Variants in CCNB3 observed in about 807,000 individuals in gnomAD.
CCNB3 encodes the protein G2/mitotic-specific cyclin-B3.
A neutral mutation model predicts 68.0 loss-of-function variants in CCNB3; 12 were observed. The ratio of observed to expected loss-of-function variants is 0.18; its 90% confidence interval spans 0.11 to 0.29. The LOEUF is 0.29. Among genes scored for constraint, CCNB3 ranks in the 10% least tolerant of loss-of-function variants. The pLI is 1.00. For missense variants in CCNB3, 904 were observed against 993.1 expected, an observed-to-expected ratio of 0.91 and a Z score of 1.21; for synonymous variants, 354 against 388.9, an observed-to-expected ratio of 0.91 and a Z score of 1.06.
At chrX:50,313,364 A>G (rs782099267) in intron 7 of CCNB3, among the ~76,000 whole-genome samples, 48 of 111,864 alleles carry the variant, frequency 4.3e-4, no homozygotes, top group African/African-American at 1.5e-3. Flanking sequence ...AGTAAGGGAC[A>G]TCTTTGTTAT....
chrX:50,342,219 C>T lies in CCNB3; in HGVS notation c.3534C>T (p.Thr1178=). Residue 1178 remains threonine, a synonymous_variant, in exon 9 of 13, where the codon ACC becomes ACT. Coordinates refer to ENST00000376042, the MANE Select transcript of CCNB3 (RefSeq NM_033031.3). ...LVEVQVSFEM[T]HETLYLAVKL... ...TCCTCCAGGTGTCCTTTGAGATGAC[C>T]CATGAGACCCTGTACTTGGCAGTGA... 1 of 1,210,187 alleles carries T rather than the reference C, an allele frequency of 8.3e-7. No individual in the cohort carries two copies. The highest frequency in any genetic ancestry group is 1.8e-5 in the South Asian group (1 of 56,904).
intron 1 of CCNB3, among the ~76,000 whole-genome samples, chrX:50,282,393 G>A (rs1936154397): frequency 9.0e-6 from 1 of 111,632 alleles, no homozygotes; most frequent in Non-Finnish European, 1.9e-5. Context: ...AAATGAAGTT[G>A]CTACTACTTC....
Position 50,310,805 on chromosome X carries a change from C to T in CCNB3, c.2636C>T (p.Ala879Val). Residue 879 changes from alanine to valine, a missense_variant, in exon 6 of 13, where the codon GCT becomes GTT. By Grantham distance (64) the Ala-to-Val change is moderately conservative. This residue lies in a region of CCNB3 where 619 missense variants were observed against 609.8 expected (regional missense o/e 1.02). Transcript: ENST00000376042. ...GAGGCCCTCTTTAAGCGACACTCAG[C>T]TTTGTGGGAGAAGCCCAGCACTGAG... ...EQEALFKRHSALWEKPSTEKE... is the reference protein window; with the variant it reads ...EQEALFKRHSVLWEKPSTEKE... The T allele has an allele frequency of 8.3e-7, 1 of 1,211,839 alleles. No homozygotes were observed.
intron 8 of CCNB3, among the ~76,000 whole-genome samples, chrX:50,337,357 C>T (rs1469377103): frequency 1.8e-5 from 2 of 110,837 alleles, no homozygotes; most frequent in East Asian, 2.8e-4. Context: ...CGACTTCCCT[C>T]GGTGGGTGGA....
In CCNB3 at chrX:50,309,226, C is replaced by G. The variant is rs1921261698; in HGVS notation, c.1057C>G (p.Gln353Glu). The G allele has an allele frequency of 5.8e-6, 7 of 1,209,731 alleles. No individual in the cohort carries two copies. In the East Asian group the frequency reaches 2.1e-4, roughly 36 times the overall value. Reference protein sequence around the residue: ...MSILKKSLALQKTNFKEDSLV... With the variant: ...MSILKKSLALEKTNFKEDSLV... Reference sequence around the variant, plus strand: ...CATCTTGAAGAAATCATTGGCCTTGCAGAAGACCAACTTTAAAGAGGATTC... The same window carrying G: ...CATCTTGAAGAAATCATTGGCCTTGGAGAAGACCAACTTTAAAGAGGATTC... The change falls in exon 6 of 13, where the codon CAG becomes GAG. Residue 353 changes from glutamine (Q) to glutamate (E), a missense_variant. Coordinates refer to ENST00000376042, the MANE Select transcript of CCNB3 (RefSeq NM_033031.3).
At chrX:50,323,233 G>T (rs1922119640) in intron 8 of CCNB3, among the ~76,000 whole-genome samples, 1 of 111,397 alleles carries the variant, frequency 9.0e-6, no homozygotes, top group Non-Finnish European at 1.9e-5. Flanking sequence ...GGAATACTAT[G>T]CAGCCATAAA....
At chrX:50,342,463 T>C in intron 9 of CCNB3, 124 bp downstream of exon 9, 1 of 662,607 alleles carries the variant, frequency 1.5e-6, no homozygotes, top group Non-Finnish European at 2.2e-6. Context: ...AATGATGGAC[T>C]GCTTATACTA....
intron 1 of CCNB3, among the ~76,000 whole-genome samples, chrX:50,226,312 A>G (rs1935792452): frequency 1.7e-5 from 1 of 59,058 alleles, no homozygotes; most frequent in Admixed American, 2.9e-4. Flanking sequence ...ATAGAAATAT[A>G]TAAACATATA....
intron 11 of CCNB3, among the ~76,000 whole-genome samples, chrX:50,350,449 G>A (rs782800925): frequency 1.8e-4 from 20 of 111,716 alleles, no homozygotes; most frequent in South Asian, 3.8e-4. Context: ...CTGCTATACC[G>A]CTTCTGCCAC....
rs138559822 is a variant in CCNB3 at position 50,295,904 on chromosome X, G to A, written c.335+911G>A. Among the ~76,000 whole-genome samples, 845 of 111,065 alleles carry A rather than the reference G, an allele frequency of 7.6e-3. 3 individuals carry two copies. Among genetic ancestry groups the A allele is most frequent in the Middle Eastern group, 0.014 (3 of 215 alleles). On this transcript the variant is annotated intron_variant, in intron 5 of 12. Coordinates refer to ENST00000376042, the MANE Select transcript of CCNB3 (RefSeq NM_033031.3). ...GATTATCACTCCTGGGAACACCAAAGGGTAAGCTAAAAAGACTGGGTAACT... is the reference window on the plus strand; with the variant it reads ...GATTATCACTCCTGGGAACACCAAAAGGTAAGCTAAAAAGACTGGGTAACT...
chrX:50,226,002 T>A (rs1935751708), intron 1 of CCNB3, among the ~76,000 whole-genome samples: 1 of 93,522 alleles, frequency 1.1e-5, no homozygotes, highest in Admixed American at 1.4e-4. Context: ...TATATATAAA[T>A]ATATATAGAA....
chrX:50,226,123 T>A (rs1935762912), intron 1 of CCNB3, among the ~76,000 whole-genome samples: 1 of 79,346 alleles, frequency 1.3e-5, no homozygotes, highest in Non-Finnish European at 2.3e-5. Context: ...TATATATATA[T>A]TCGATATATA....
chrX:50,282,061 G>T, intron 1 of CCNB3, among the ~76,000 whole-genome samples: 1 of 111,966 alleles, frequency 8.9e-6, no homozygotes, highest in South Asian at 3.8e-4. Context: ...TGGGGATATT[G>T]TTAATTTGCA....
chrX:50,317,728 C>T (rs1921806094), intron 8 of CCNB3, among the ~76,000 whole-genome samples: 1 of 109,858 alleles, frequency 9.1e-6, no homozygotes, highest in Admixed American at 9.8e-5. Context: ...CGCCACCCTG[C>T]CTGGCTAATT....
intron 7 of CCNB3, among the ~76,000 whole-genome samples, chrX:50,312,872 G>A (rs190659617): frequency 3.3e-4 from 37 of 111,240 alleles, no homozygotes; most frequent in Non-Finnish European, 5.8e-4. Context: ...TACAGATAGA[G>A]GAAACTGCCC....
chrX:50,204,575 G>T (rs1228040450), upstream of CCNB3: 1 of 104,909 alleles, frequency 9.5e-6, no homozygotes, highest in African/African-American at 3.5e-5. Flanking sequence ...TCTGGAGATA[G>T]AAGAGAAATT....
intron 9 of CCNB3, among the ~76,000 whole-genome samples, chrX:50,344,330 A>G (rs782032838): frequency 8.9e-6 from 1 of 112,705 alleles, no homozygotes; most frequent in African/African-American, 3.2e-5. Flanking sequence ...CTGTGTATAC[A>G]TACATTTATT....
chrX:50,213,172 C>G (rs1383030455), intron 1 of CCNB3, among the ~76,000 whole-genome samples: 1 of 112,005 alleles, frequency 8.9e-6, no homozygotes, highest in Non-Finnish European at 1.9e-5. Context: ...GTAGATCAAT[C>G]TGGGCATTAT....
chrX:50,342,323 T>C lies in CCNB3; in HGVS notation c.3638T>C (p.Ile1213Thr). 2.5e-6 allele frequency: 3 copies of C among 1,199,275 alleles called. No homozygotes were observed. Among genetic ancestry groups the C allele is most frequent in the Non-Finnish European group, 3.4e-6 (3 of 889,427 alleles). Residue 1213 changes from isoleucine to threonine, a missense_variant, in exon 9 of 13, where the codon ATT (isoleucine) becomes ACT (threonine). Coordinates refer to ENST00000376042, the MANE Select transcript of CCNB3 (RefSeq NM_033031.3). Reference sequence around the variant, plus strand: ...CTCCTTGGTGCCACTGCCTTTATGATTGCAGCAAAATTTGAGGTGAGTCTG... The same window carrying C: ...CTCCTTGGTGCCACTGCCTTTATGACTGCAGCAAAATTTGAGGTGAGTCTG... ...LQLLGATAFM[I>T]AAKFEEHNSP...
Sources: allele counts gnomAD v4.1 joint callset (sites outside exome capture counted in the v4.1 genomes callset), GRCh38; gene constraint gnomAD v4.1.1; regional missense constraint gnomAD v4.1.1; transcripts MANE v1.5; gene names NCBI Gene and HGNC (gene_info 2026-07-23, HGNC 2026-07-21).